The following MEI4 variants were observed in gnomAD, a reference collection of about 807,000 sequenced individuals.
MEI4 encodes the protein meiosis-specific protein MEI4.
Under a neutral mutation model 31.4 loss-of-function variants are expected in MEI4, and 27 were observed. That is an observed-to-expected ratio of 0.86 (90% CI 0.63 to 1.19). The LOEUF is 1.19. Ranked by LOEUF, MEI4 falls within the 50% of genes most tolerant of loss-of-function variation. The probability of loss-of-function intolerance (pLI) is 0.00; values close to 1 mark genes in which losing one functional copy is unlikely to be tolerated. For synonymous variants in MEI4, 122 were observed against 145.4 expected, an observed-to-expected ratio of 0.84 and a Z score of 1.16; for missense variants, 329 against 398.9, an observed-to-expected ratio of 0.82 and a Z score of 1.49.
At chr6:77,651,298 A>G (rs368198000), upstream of MEI4, among the ~76,000 whole-genome samples, 1 of 152,224 alleles carries the variant, frequency 6.6e-6, no homozygotes, top group Admixed American at 6.5e-5. Context: ...GTCTTGGTAT[A>G]TCTAGATTGT....
intron 1 of MEI4, among the ~76,000 whole-genome samples, chr6:77,665,697 T>C (rs940836769): frequency 6.6e-6 from 1 of 151,890 alleles, no homozygotes; most frequent in Non-Finnish European, 1.5e-5. Flanking sequence ...GGCGCCGGAG[T>C]TTTGGGTCCA....
intron 3 of MEI4, among the ~76,000 whole-genome samples, chr6:77,781,580 T>C (rs1038848528): frequency 6.6e-6 from 1 of 152,190 alleles, no homozygotes; most frequent in Non-Finnish European, 1.5e-5. Context: ...TTCAAAATAT[T>C]TTGATTCTAA....
chr6:77,782,497 C>A (rs963812861), intron 3 of MEI4, among the ~76,000 whole-genome samples: 4 of 152,168 alleles, frequency 2.6e-5, no homozygotes, highest in Admixed American at 2.0e-4. Flanking sequence ...CCACAAAATA[C>A]AAAAATGAAA....
rs180745391 is a variant in MEI4 at position 77,726,592 on chromosome 6, T to C, written c.233-34538T>C. 3.3e-3 allele frequency among the ~76,000 whole-genome samples: 508 copies of C among 152,218 alleles called. 3 individuals are homozygous for C. Among genetic ancestry groups the C allele is most frequent in the Middle Eastern group, 0.024 (7 of 294 alleles). On this transcript the variant is annotated intron_variant, in intron 2 of 4. Transcript: ENST00000684080. ...CCAGGGCACAAAATATGATTGTTCT[T>C]ATGAGGTTTGCCCTAAGACATTAAA...
intron 4 of MEI4, among the ~76,000 whole-genome samples, chr6:77,889,823 T>C (rs945617205): frequency 5.3e-5 from 8 of 152,218 alleles, no homozygotes; most frequent in African/African-American, 1.9e-4. Flanking sequence ...TCTGCTGCTT[T>C]AGCTCTAGCT....
At chr6:77,860,386 T>C (rs1278019984) in intron 4 of MEI4, among the ~76,000 whole-genome samples, 1 of 152,158 alleles carries the variant, frequency 6.6e-6, no homozygotes, top group Non-Finnish European at 1.5e-5. Flanking sequence ...TCTAGAAAGA[T>C]TCATTAAGCA....
intron 4 of MEI4, among the ~76,000 whole-genome samples, chr6:77,906,604 C>T (rs1432974737): frequency 6.6e-6 from 1 of 152,116 alleles, no homozygotes; most frequent in Non-Finnish European, 1.5e-5. Context: ...TCCATTTTGG[C>T]ATTGGGTTAA....
At chr6:77,874,414 A>C (rs1023311470) in intron 4 of MEI4, among the ~76,000 whole-genome samples, 1 of 152,098 alleles carries the variant, frequency 6.6e-6, no homozygotes, top group Non-Finnish European at 1.5e-5. Context: ...TTTGTCTGTT[A>C]TTGGTGTATA....
chr6:77,755,485 C>T (rs972382864), intron 2 of MEI4, among the ~76,000 whole-genome samples: 2 of 151,864 alleles, frequency 1.3e-5, no homozygotes, highest in Non-Finnish European at 2.9e-5. Flanking sequence ...GTGGCACGAT[C>T]TCGGTTTACT....
At chr6:77,909,467 A>G (rs1311004740) in intron 4 of MEI4, among the ~76,000 whole-genome samples, 3 of 152,188 alleles carry the variant, frequency 2.0e-5, no homozygotes, top group East Asian at 1.9e-4. Context: ...AAAGAAATGA[A>G]TGAATTCCTC....
At chr6:77,665,172 G>A (rs569675033) in intron 1 of MEI4, among the ~76,000 whole-genome samples, 13 of 151,552 alleles carry the variant, frequency 8.6e-5, no homozygotes, top group African/African-American at 2.9e-4. Flanking sequence ...ATAAGGAGTC[G>A]AGGCACGGAA....
rs545040294 is a variant in MEI4, at chr6:77,734,981, G to C, written c.233-26149G>C. Among the ~76,000 whole-genome samples, 489 of 152,122 alleles carry C rather than the reference G, an allele frequency of 3.2e-3. 8 individuals carry two copies. Among genetic ancestry groups the C allele is most frequent in the African/African-American group, 0.011 (457 of 41,428 alleles). On this transcript the variant is annotated intron_variant, in intron 2 of 4. Coordinates refer to ENST00000684080, the MANE Select transcript of MEI4 (RefSeq NM_001322247.2). ...ATTGGCCCCCACTCTCTTCTGGCTT[G>C]TAGGGTTTCTGCCGAGAGATCCGCT...
At chr6:77,772,416 C>T (rs766436096) in intron 3 of MEI4, among the ~76,000 whole-genome samples, 1 of 151,906 alleles carries the variant, frequency 6.6e-6, no homozygotes, top group Non-Finnish European at 1.5e-5. Flanking sequence ...GTTCAGCATA[C>T]ACAAATCAAT....
chr6:77,757,580 A>C lies in MEI4; in HGVS notation c.233-3550A>C, dbSNP rs974459023. On this transcript the variant is annotated intron_variant, in intron 2 of 4. Transcript: ENST00000684080. ...AAAGGCATGGCAGTGAGAAGTAGAG[A>C]GAAAAACTGGCAATCACCTTTTTTC... Among the ~76,000 whole-genome samples the C allele has an allele frequency of 5.3e-5, 8 of 152,338 alleles. No individual in the cohort carries two copies. In the East Asian group the frequency reaches 1.5e-3, roughly 29 times the overall value.
chr6:77,829,836 T>C (rs1400176486), intron 4 of MEI4, among the ~76,000 whole-genome samples: 1 of 152,128 alleles, frequency 6.6e-6, no homozygotes, highest in African/African-American at 2.4e-5. Context: ...ATATTGTATA[T>C]GTATGTAATT....
chr6:77,754,506 TC>T (rs1180429068), intron 2 of MEI4, among the ~76,000 whole-genome samples: 2 of 152,196 alleles, frequency 1.3e-5, no homozygotes, highest in African/African-American at 4.8e-5. Context: ...TCTGACATCT[TC>T]CTGTCTTCTT....
intron 3 of MEI4, among the ~76,000 whole-genome samples, chr6:77,766,692 G>A (rs945492485): frequency 5.3e-5 from 8 of 152,140 alleles, no homozygotes; most frequent in South Asian, 4.1e-4. Flanking sequence ...GATTACAGGC[G>A]TGAGCCTGTA....
chr6:77,795,372 CCTT>C (rs950389919), intron 3 of MEI4, among the ~76,000 whole-genome samples: 1 of 152,062 alleles, frequency 6.6e-6, no homozygotes, highest in Non-Finnish European at 1.5e-5. Context: ...TTAGAGGCAG[CCTT>C]CTTACAGTCA....
chr6:77,752,670 T>C (rs899438150), intron 2 of MEI4, among the ~76,000 whole-genome samples: 2 of 152,112 alleles, frequency 1.3e-5, no homozygotes, highest in Admixed American at 6.5e-5. Flanking sequence ...ATCACAAAAA[T>C]GACCATAATG....
Sources: allele counts gnomAD v4.1 joint callset (sites outside exome capture counted in the v4.1 genomes callset), GRCh38; gene constraint gnomAD v4.1.1; transcripts MANE v1.5; gene names NCBI Gene and HGNC (gene_info 2026-07-23, HGNC 2026-07-21).